The following ANK2 variants were observed in gnomAD, a reference collection of about 807,000 sequenced individuals.
The protein encoded by ANK2 is ankyrin 2, also known as ankyrin-2.
In ANK2, 83 loss-of-function variants were observed where a neutral mutation model predicts 360.5. The ratio of observed to expected loss-of-function variants is 0.23; its 90% CI spans 0.19 to 0.28. The LOEUF (loss-of-function observed/expected upper bound fraction) is 0.28, where lower values mean the gene tolerates loss of function less well. Among genes scored for constraint, ANK2 ranks in the 10% least tolerant of loss-of-function variants. The pLI is 1.00. For missense variants in ANK2, 4,201 were observed against 4,795.7 expected (o/e 0.88, Z 3.66); for synonymous variants, 1,740 against 1,759.5 (o/e 0.99, Z 0.28).
chr4:113,308,332 T>A (rs1412307773), intron 23 of ANK2, among the ~76,000 whole-genome samples: 2 of 152,204 alleles, frequency 1.3e-5, no homozygotes, highest in African/African-American at 4.8e-5. Flanking sequence ...GAAGATGAGT[T>A]CTGCTGTGGA....
chr4:113,367,914 G>A (rs1315210577), intron 42 of ANK2, 63 bp downstream of exon 42: 3 of 1,584,986 alleles, frequency 1.9e-6, no homozygotes, highest in African/African-American at 2.7e-5. Flanking sequence ...GTGGATGCCA[G>A]GCATATATAA....
the ANK2 span, among the ~76,000 whole-genome samples, chr4:112,763,434 G>A: frequency 3.3e-5 from 5 of 151,704 alleles, no homozygotes; most frequent in Admixed American, 2.6e-4. Context: ...GGGTTTCACC[G>A]TGTTAGCCAG....
chr4:113,274,737 TA>T, intron 15 of ANK2, 88 bp downstream of exon 15: 2 of 1,407,340 alleles, frequency 1.4e-6, no homozygotes, highest in Non-Finnish European at 2.0e-6. Flanking sequence ...ATCAAGAGGG[TA>T]GATCTCCTCA....
chr4:113,178,775 T>C (rs2098314000), intron 2 of ANK2, among the ~76,000 whole-genome samples: 2 of 152,264 alleles, frequency 1.3e-5, no homozygotes, highest in East Asian at 3.9e-4. Flanking sequence ...GATGAAATAT[T>C]GTGAGACAGG....
chr4:112,780,615 C>T, the ANK2 span, among the ~76,000 whole-genome samples: 3 of 151,928 alleles, frequency 2.0e-5, no homozygotes, highest in Admixed American at 6.6e-5. Flanking sequence ...AAGATACTAC[C>T]GAGACTGGGT....
intron 2 of ANK2, among the ~76,000 whole-genome samples, chr4:112,945,314 G>C (rs78945322): frequency 6.6e-6 from 1 of 152,198 alleles, no homozygotes; most frequent in Non-Finnish European, 1.5e-5. Context: ...TGCCCAGAAG[G>C]AGGAGAACCA....
intron 42 of ANK2, among the ~76,000 whole-genome samples, chr4:113,368,816 A>G (rs2096628261): frequency 6.6e-6 from 1 of 152,184 alleles, no homozygotes. Flanking sequence ...AAGGAGAAGG[A>G]CCAAGGAAAA....
the ANK2 span, among the ~76,000 whole-genome samples, chr4:112,773,395 T>C: frequency 6.6e-6 from 1 of 152,182 alleles, no homozygotes; most frequent in Non-Finnish European, 1.5e-5. Context: ...GGATAACCCA[T>C]GTTGACATAA....
At chr4:113,163,134 A>T (rs1022922293) in intron 1 of ANK2, among the ~76,000 whole-genome samples, 24 of 152,292 alleles carry the variant, frequency 1.6e-4, no homozygotes, top group African/African-American at 5.1e-4. Context: ...CTCTTAAAAA[A>T]TTTTATGTTA....
rs372560419 is a variant in ANK2 at position 113,174,411 on chromosome 4, C to T, written c.85-5C>T. The T allele has an allele frequency of 1.9e-5, 30 of 1,608,886 alleles. No individual in the cohort carries two copies. The highest frequency in any genetic ancestry group is 1.3e-4 in the African/African-American group (10 of 74,882). On this transcript the variant is annotated splice_region_variant and splice_polypyrimidine_tract_variant and intron_variant, in intron 1 of 45. Transcript: ENST00000357077. ...TTCATTAAAGGTCTTTTATTTTTCT[C>T]GCAGTCTGACAGCAATGCAAGCTTC...
intron 23 of ANK2, among the ~76,000 whole-genome samples, chr4:113,307,447 A>C (rs1587830083): frequency 8.6e-6 from 1 of 115,772 alleles, no homozygotes; most frequent in African/African-American, 3.5e-5. Flanking sequence ...ATGGAGTCTC[A>C]CTCTGTCGCC....
At chr4:113,083,074 T>C (rs1360636856) in intron 1 of ANK2, among the ~76,000 whole-genome samples, 1 of 152,054 alleles carries the variant, frequency 6.6e-6, no homozygotes, top group Non-Finnish European at 1.5e-5. Context: ...TTTTTTTAAA[T>C]TTTTAAATTT....
intron 2 of ANK2, among the ~76,000 whole-genome samples, chr4:112,916,442 T>G (rs1339531475): frequency 2.0e-5 from 3 of 152,236 alleles, no homozygotes; most frequent in Admixed American, 1.3e-4. Flanking sequence ...TAAATTATGG[T>G]TATGAAGCAG....
At chr4:113,371,770 A>C (rs1436031117) in intron 43 of ANK2, among the ~76,000 whole-genome samples, 1 of 152,242 alleles carries the variant, frequency 6.6e-6, no homozygotes, top group Non-Finnish European at 1.5e-5. Context: ...CCTTTAGCAG[A>C]GACAAATGTA....
chr4:112,992,610 GCTTT>G (rs1335403564), intron 2 of ANK2, among the ~76,000 whole-genome samples: 1 of 152,140 alleles, frequency 6.6e-6, no homozygotes, highest in African/African-American at 2.4e-5. Flanking sequence ...TCTGACAAGG[GCTTT>G]CTTTCTAGCT....
intron 1 of ANK2, among the ~76,000 whole-genome samples, chr4:112,872,739 A>G (rs1221192950): frequency 1.3e-5 from 2 of 152,128 alleles, no homozygotes; most frequent in African/African-American, 2.4e-5. Context: ...TGAGTTTGGG[A>G]GTGTTCCCTC....
chr4:113,035,950 C>A (rs1385024421), intron 2 of ANK2, among the ~76,000 whole-genome samples: 1 of 151,944 alleles, frequency 6.6e-6, no homozygotes, highest in African/African-American at 2.4e-5. Context: ...ATTTGTACAA[C>A]TGCCAAAACT....
rs371231795 is a variant in ANK2, at chr4:112,875,003, G to T, written c.-39-29452G>T. On this transcript the variant is annotated intron_variant, in intron 1 of 30. Transcript: ENST00000503271. ...GGCAAAAATGCTTAGATGAATGAAG[G>T]CCATTCTGAGAAATTATGTACCAAT... 2.0e-5 allele frequency among the ~76,000 whole-genome samples: 3 copies of T among 151,636 alleles called. No homozygotes were observed. In the South Asian group the frequency reaches 6.2e-4, roughly 32 times the overall value.
chr4:112,760,056 C>T, the ANK2 span, among the ~76,000 whole-genome samples: 1 of 152,304 alleles, frequency 6.6e-6, no homozygotes, highest in South Asian at 2.1e-4. Context: ...CTACCCCAGG[C>T]TCCTTGACTA....
Sources: allele counts gnomAD v4.1 joint callset (sites outside exome capture counted in the v4.1 genomes callset), GRCh38; gene constraint gnomAD v4.1.1; transcripts MANE v1.5; gene names NCBI Gene and HGNC (gene_info 2026-07-23, HGNC 2026-07-21).